The following PTPRM variants were observed in gnomAD, a reference collection of about 807,000 sequenced individuals.
PTPRM encodes the protein protein tyrosine phosphatase receptor type M.
Under a neutral mutation model 186.7 loss-of-function variants are expected in PTPRM, and 47 were observed. That is an observed-to-expected ratio of 0.25 (90% CI 0.20 to 0.32). The LOEUF is 0.32. PTPRM is among the 10% of genes least tolerant of loss of function. The pLI is 1.00. For synonymous variants in PTPRM, 668 were observed against 674.9 expected (o/e 0.99, Z 0.16); for missense variants, 1,494 against 1,865.0 (o/e 0.80, Z 3.66).
At chr18:7,984,247 A>C (rs1019180097) in intron 7 of PTPRM, among the ~76,000 whole-genome samples, 1 of 152,042 alleles carries the variant, frequency 6.6e-6, no homozygotes, top group African/African-American at 2.4e-5. Context: ...GTACCACCAC[A>C]TCCGTTTTCT....
At chr18:8,069,485 A>G (rs1227968165) in intron 7 of PTPRM, among the ~76,000 whole-genome samples, 6 of 152,242 alleles carry the variant, frequency 3.9e-5, no homozygotes, top group Non-Finnish European at 8.8e-5. Context: ...ACATGGCCAC[A>G]TCCATCTGCA....
intron 14 of PTPRM, among the ~76,000 whole-genome samples, chr18:8,171,560 T>C (rs2093401305): frequency 1.3e-5 from 2 of 152,090 alleles, no homozygotes; most frequent in South Asian, 4.1e-4. Context: ...ACATGGCAGT[T>C]TGGGGGTAAA....
At chr18:7,774,310 A>G in intron 2 of PTPRM, 39 bp downstream of exon 2, 3 of 1,605,832 alleles carry the variant, frequency 1.9e-6, no homozygotes, top group Non-Finnish European at 2.6e-6. Flanking sequence ...AAAGAGGAAC[A>G]CAAGAGTCTC....
chr18:8,042,314 TA>T (rs376217195), intron 7 of PTPRM, among the ~76,000 whole-genome samples: 1 of 152,324 alleles, frequency 6.6e-6, no homozygotes, highest in East Asian at 1.9e-4. Context: ...TTCACTTGAC[TA>T]AAAACGTATT....
chr18:8,290,271 A>G (rs1185647210), intron 19 of PTPRM, among the ~76,000 whole-genome samples: 1 of 152,162 alleles, frequency 6.6e-6, no homozygotes, highest in Non-Finnish European at 1.5e-5. Context: ...TGAGAAAGGG[A>G]GGAAAAATTT....
chr18:7,929,269 C>T (rs757008117), intron 5 of PTPRM, among the ~76,000 whole-genome samples: 16 of 152,220 alleles, frequency 1.1e-4, no homozygotes, highest in East Asian at 1.9e-4. Context: ...TTGACCCCAA[C>T]GTTTAATTTT....
chr18:8,221,415 G>A (rs1427605998), intron 14 of PTPRM, among the ~76,000 whole-genome samples: 1 of 152,156 alleles, frequency 6.6e-6, no homozygotes. Context: ...ATTGTTAAAA[G>A]AAAAATGTTA....
At chr18:7,649,953 A>C (rs186224148) in intron 1 of PTPRM, among the ~76,000 whole-genome samples, 1 of 152,132 alleles carries the variant, frequency 6.6e-6, no homozygotes, top group East Asian at 1.9e-4. Flanking sequence ...TTAAAGACAT[A>C]ATGCTATTAC....
chr18:7,984,954 T>A (rs1330296128), intron 7 of PTPRM, among the ~76,000 whole-genome samples: 1 of 125,058 alleles, frequency 8.0e-6, no homozygotes, highest in Non-Finnish European at 1.6e-5. Context: ...TATACATATA[T>A]AATTATATAC....
At chr18:8,336,616 G>A (rs1370812903) in intron 22 of PTPRM, among the ~76,000 whole-genome samples, 1 of 141,626 alleles carries the variant, frequency 7.1e-6, no homozygotes, top group African/African-American at 2.6e-5. Context: ...GAGAGGAGGA[G>A]GGGGAGGGAG....
intron 1 of PTPRM, among the ~76,000 whole-genome samples, chr18:7,594,513 AAG>A (rs1172752633): frequency 6.9e-6 from 1 of 145,362 alleles, no homozygotes; most frequent in African/African-American, 2.8e-5. Context: ...AAACAAAAAA[AAG>A]AAGGATAAGA....
At chr18:7,904,098 A>G (rs891976185) in intron 3 of PTPRM, among the ~76,000 whole-genome samples, 2 of 152,222 alleles carry the variant, frequency 1.3e-5, no homozygotes, top group South Asian at 4.1e-4. Flanking sequence ...TGTGTGTAAC[A>G]TATCTGCTTA....
intron 14 of PTPRM, among the ~76,000 whole-genome samples, chr18:8,179,502 GCT>G (rs940253146): frequency 7.4e-6 from 1 of 135,618 alleles, no homozygotes; most frequent in African/African-American, 2.8e-5. Context: ...ATGGCGCCTT[GCT>G]CTGTCACCAG....
chr18:8,053,107 C>T (rs1048381933), intron 7 of PTPRM, among the ~76,000 whole-genome samples: 3 of 152,066 alleles, frequency 2.0e-5, no homozygotes, highest in Non-Finnish European at 2.9e-5. Flanking sequence ...CTATTCTGTG[C>T]TTTGCCTTTT....
rs56957619 is a variant in PTPRM, at chr18:7,681,196, G to GAATAAT, written c.74-92937_74-92932dup. Among the ~76,000 whole-genome samples, 357 of 151,442 alleles carry GAATAAT rather than the reference G, an allele frequency of 2.4e-3. 2 individuals are homozygous for GAATAAT. Among genetic ancestry groups the GAATAAT allele is most frequent in the East Asian group, 0.018 (94 of 5,154 alleles). The stretch of plus-strand genomic sequence containing the variant: ...TTTAATATGAATCTCGGAACTGCCT[G>GAATAAT]AATAATAATAATAATAATAATGGAT... On this transcript the variant is annotated intron_variant, in intron 1 of 32. Coordinates refer to ENST00000580170, the MANE Select transcript of PTPRM (RefSeq NM_001105244.2).
chr18:8,145,497 A>G (rs2092861495), intron 14 of PTPRM, among the ~76,000 whole-genome samples: 1 of 152,090 alleles, frequency 6.6e-6, no homozygotes, highest in Non-Finnish European at 1.5e-5. Flanking sequence ...GACAGGCCCC[A>G]GGGTGTGATG....
intron 1 of PTPRM, among the ~76,000 whole-genome samples, chr18:7,597,150 T>A (rs76126682): frequency 0.066 from 10,061 of 152,192 alleles, 474 homozygotes; most frequent in South Asian, 0.2. Context: ...GTGCCAGCCT[T>A]CGTTTATCTT....
At chr18:8,283,905 GCTA>G (rs1206882152) in intron 19 of PTPRM, among the ~76,000 whole-genome samples, 1 of 152,118 alleles carries the variant, frequency 6.6e-6, no homozygotes, top group Non-Finnish European at 1.5e-5. Flanking sequence ...ACAGGTGTGA[GCTA>G]CCACACCTGG....
intron 13 of PTPRM, among the ~76,000 whole-genome samples, chr18:8,124,581 C>G (rs937740536): frequency 6.6e-6 from 1 of 152,168 alleles, no homozygotes; most frequent in Non-Finnish European, 1.5e-5. Flanking sequence ...TAAGTGCATA[C>G]TCAGATGAGT....
Sources: gnomAD v4.1 joint callset for allele counts (sites outside exome capture counted in the v4.1 genomes callset) on GRCh38, gnomAD v4.1.1 for gene constraint, MANE v1.5 for transcripts, NCBI Gene and HGNC (gene_info 2026-07-23, HGNC 2026-07-21) for gene names.